DLG2: variants seen among roughly 807,000 people sequenced by gnomAD.
The protein encoded by DLG2 is disks large homolog 2.
In DLG2, 45 loss-of-function variants were observed where a neutral mutation model predicts 132.5. The observed-to-expected ratio is 0.34, with a 90% CI of 0.27 to 0.44. DLG2 has a LOEUF of 0.44. DLG2 is among the 20% of genes least tolerant of loss of function. The pLI is 1.00. For synonymous variants in DLG2, 424 were observed against 419.6 expected, an observed-to-expected ratio of 1.01 and a Z score of -0.13; for missense variants, 1,045 against 1,196.9, an observed-to-expected ratio of 0.87 and a Z score of 1.87.
intron 4 of DLG2, among the ~76,000 whole-genome samples, chr11:85,207,893 A>G (rs773220164): frequency 3.3e-5 from 5 of 151,468 alleles, no homozygotes; most frequent in African/African-American, 1.2e-4. Context: ...CATGCCCTCT[A>G]CATCTGGTAA....
Position 85,134,304 on chromosome 11 carries a change from C to T in DLG2, c.282+20252G>A, listed in dbSNP as rs545386744. Reference sequence around the variant, plus strand: ...TACTTTCTTGGGAGGCCGAGGCGGGCGGATCACGAGGTCAGGAGATCGAGA... The same window carrying T: ...TACTTTCTTGGGAGGCCGAGGCGGGTGGATCACGAGGTCAGGAGATCGAGA... On this transcript the variant is annotated intron_variant, in intron 5 of 27. Transcript: ENST00000376104. 9.4e-5 allele frequency among the ~76,000 whole-genome samples: 14 copies of T among 149,212 alleles called. No homozygotes were observed. The East Asian group carries it at 2.5e-3, about 27-fold the overall frequency.
At chr11:84,801,334 C>T (rs544837965) in intron 6 of DLG2, among the ~76,000 whole-genome samples, 2 of 152,232 alleles carry the variant, frequency 1.3e-5, no homozygotes, top group East Asian at 3.9e-4. Context: ...CACTTTGAGG[C>T]CGAGGCGGGC....
chr11:85,049,925 C>T (rs1030505430), intron 6 of DLG2, among the ~76,000 whole-genome samples: 5 of 152,040 alleles, frequency 3.3e-5, no homozygotes, highest in Non-Finnish European at 7.4e-5. Context: ...TGCCAGATTT[C>T]TCATTCCCTT....
rs79551231 is a variant in DLG2 at position 85,072,735 on chromosome 11, A to G, written c.357+38926T>C. 7.0e-4 allele frequency among the ~76,000 whole-genome samples: 107 copies of G among 151,982 alleles called. 1 individual carries two copies. Among genetic ancestry groups the G allele is most frequent in the African/African-American group, 2.3e-3 (95 of 41,532 alleles). On this transcript the variant is annotated intron_variant, in intron 6 of 27. Transcript: ENST00000376104. ...AAGTCTATGGGATTCCAAAGCCCATAATAAATACACTTGGTTGCAAAGAGT... is the reference window on the plus strand; with the variant it reads ...AAGTCTATGGGATTCCAAAGCCCATGATAAATACACTTGGTTGCAAAGAGT...
At chr11:84,349,837 A>AATATAT (rs10694163) in intron 7 of DLG2, among the ~76,000 whole-genome samples, 36,180 of 150,482 alleles carry the variant, frequency 0.24, 6,387 homozygotes, top group African/African-American at 0.5. Flanking sequence ...CTGCCTCTAA[A>AATATAT]ATATATATAT....
intron 4 of DLG2, among the ~76,000 whole-genome samples, chr11:85,232,710 T>A (rs1192762452): frequency 3.3e-5 from 5 of 151,958 alleles, no homozygotes; most frequent in Non-Finnish European, 4.4e-5. Context: ...TTGACATCAC[T>A]CTCACTGTTC....
chr11:84,419,645 C>T (rs2098941707), intron 7 of DLG2, among the ~76,000 whole-genome samples: 2 of 152,278 alleles, frequency 1.3e-5, no homozygotes, highest in South Asian at 4.2e-4. Context: ...CAAAACATCC[C>T]TCTATAAGAT....
chr11:84,233,580 C>A (rs1224505861), intron 8 of DLG2, among the ~76,000 whole-genome samples: 2 of 152,060 alleles, frequency 1.3e-5, no homozygotes, highest in African/African-American at 4.8e-5. Flanking sequence ...AGAGAACCTG[C>A]CTGCAGGATA....
intron 5 of DLG2, among the ~76,000 whole-genome samples, chr11:85,128,064 C>T (rs2075331224): frequency 6.6e-6 from 1 of 152,028 alleles, no homozygotes; most frequent in African/African-American, 2.4e-5. Flanking sequence ...TCAAGAAAAG[C>T]TTCTTTTGTG....
chr11:85,038,338 G>A (rs547658828), intron 6 of DLG2, among the ~76,000 whole-genome samples: 75 of 151,956 alleles, frequency 4.9e-4, no homozygotes, highest in South Asian at 6.2e-4. Flanking sequence ...ACAACGTTTT[G>A]ACAGAAAAAA....
At chr11:84,860,859 C>A (rs138400185) in intron 6 of DLG2, among the ~76,000 whole-genome samples, 2,388 of 147,296 alleles carry the variant, frequency 0.016, 31 homozygotes, top group Non-Finnish European at 0.023. Flanking sequence ...ACTGCAATAG[C>A]CATGAAAGGA....
intron 17 of DLG2, among the ~76,000 whole-genome samples, chr11:83,792,791 T>C (rs968165771): frequency 2.0e-5 from 3 of 152,166 alleles, no homozygotes; most frequent in African/African-American, 7.2e-5. Flanking sequence ...TTATAAACAA[T>C]GAGGTAATAA....
At chr11:84,844,002 ATATT>A (rs776878379) in intron 6 of DLG2, among the ~76,000 whole-genome samples, 1 of 149,440 alleles carries the variant, frequency 6.7e-6, no homozygotes, top group Non-Finnish European at 1.5e-5. Flanking sequence ...GGTGATATAT[ATATT>A]ATGTTCCCAT....
chr11:85,583,128 G>GTATATA (rs1288807092), intron 3 of DLG2, among the ~76,000 whole-genome samples: 54 of 27,416 alleles, frequency 2.0e-3, no homozygotes, highest in East Asian at 6.2e-3. Flanking sequence ...GTGTGTGTGT[G>GTATATA]TGTATATATA....
intron 3 of DLG2, among the ~76,000 whole-genome samples, chr11:85,502,223 A>G (rs1296101581): frequency 1.3e-5 from 2 of 152,082 alleles, no homozygotes; most frequent in African/African-American, 4.8e-5. Context: ...AACAATGAGA[A>G]CACATGGAGA....
At chr11:85,305,093 G>A (rs2079852157) in intron 3 of DLG2, among the ~76,000 whole-genome samples, 1 of 152,166 alleles carries the variant, frequency 6.6e-6, no homozygotes, top group Admixed American at 6.5e-5. Flanking sequence ...AATAGAGTAA[G>A]GGATTACAAA....
chr11:84,956,103 G>T (rs184077084), intron 6 of DLG2, among the ~76,000 whole-genome samples: 2 of 152,058 alleles, frequency 1.3e-5, no homozygotes, highest in Non-Finnish European at 2.9e-5. Flanking sequence ...TCTAAATCCC[G>T]CCTGTCTCCA....
At chr11:84,723,745 G>A (rs967625762) in intron 6 of DLG2, among the ~76,000 whole-genome samples, 10 of 152,120 alleles carry the variant, frequency 6.6e-5, no homozygotes, top group Admixed American at 3.3e-4. Context: ...AGGAGATGAC[G>A]CATTCATTTT....
intron 4 of DLG2, among the ~76,000 whole-genome samples, chr11:85,165,313 T>C (rs1001660157): frequency 6.6e-6 from 1 of 152,192 alleles, no homozygotes; most frequent in Admixed American, 6.6e-5. Flanking sequence ...TGGGAGGCCA[T>C]TGTTTTGGAC....
Sources: gnomAD v4.1 joint callset for allele counts (sites outside exome capture counted in the v4.1 genomes callset) on GRCh38, gnomAD v4.1.1 for gene constraint, MANE v1.5 for transcripts, NCBI Gene and HGNC (gene_info 2026-07-23, HGNC 2026-07-21) for gene names.